The following DNAI1 variants were observed in gnomAD, a reference collection of about 807,000 sequenced individuals.
DNAI1 encodes dynein axonemal intermediate chain 1, also known as dynein, axonemal, intermediate polypeptide 1.
DNAI1 carries 67 observed loss-of-function variants against 92.0 expected under a neutral mutation model. That is an observed-to-expected ratio of 0.73 (90% CI 0.60 to 0.89). The LOEUF is 0.89. DNAI1 is among the 40% of genes least tolerant of loss of function. The pLI is 0.00. For missense variants in DNAI1, 839 were observed against 866.6 expected (o/e 0.97, Z 0.40); for synonymous variants, 323 against 319.6 (o/e 1.01, Z -0.11).
rs904324428 is a variant in DNAI1, at chr9:34,501,122, A to T, written c.1020-16A>T. 2.5e-6 allele frequency: 4 copies of T among 1,610,158 alleles called. No individual in the cohort carries two copies. The highest frequency in any genetic ancestry group is 1.7e-5 in the Admixed American group (1 of 60,016). On this transcript the variant is annotated splice_polypyrimidine_tract_variant and intron_variant, in intron 11 of 19. Transcript: ENST00000242317. ...GTTCATTTCCTATGCCAATGGATTC[A>T]TATTTTTTTTTGCAGGAATCCAAAG... is the stretch of plus-strand genomic sequence containing the variant.
At chr9:34,507,069 C>G (rs1169095988) in intron 13 of DNAI1, among the ~76,000 whole-genome samples, 195 bp downstream of exon 13, 1 of 152,202 alleles carries the variant, frequency 6.6e-6, no homozygotes, top group Non-Finnish European at 1.5e-5. Flanking sequence ...CCAGTGAGAG[C>G]TGGGGTCTGC....
At chr9:34,499,904 C>G (rs577961712) in intron 10 of DNAI1, among the ~76,000 whole-genome samples, 1 of 152,152 alleles carries the variant, frequency 6.6e-6, no homozygotes, top group East Asian at 1.9e-4. Context: ...TCGTGAGGTG[C>G]CTTGTTTGTA....
At chr9:34,459,434 T>TTTTC (rs1003134116) in intron 1 of DNAI1, among the ~76,000 whole-genome samples, 107 of 149,010 alleles carry the variant, frequency 7.2e-4, no homozygotes, top group African/African-American at 2.4e-3. Flanking sequence ...TTCTTTTTCT[T>TTTTC]TTTCTTTCTT....
intron 1 of DNAI1, among the ~76,000 whole-genome samples, chr9:34,471,535 C>T (rs143839097): frequency 8.8e-4 from 134 of 151,764 alleles, no homozygotes; most frequent in African/African-American, 2.8e-3. Context: ...TTTGGGAGGC[C>T]GAGGTGGGCG....
In DNAI1 at chr9:34,459,134, T is replaced by C. The variant is rs569994109; in HGVS notation, c.48+81T>C. On this transcript the variant is annotated intron_variant, in intron 1 of 19. Coordinates refer to ENST00000242317, the MANE Select transcript of DNAI1 (RefSeq NM_012144.4). The stretch of plus-strand genomic sequence containing the variant: ...CCACTAATCATACCTCTCCTACTGA[T>C]CCTTGATCTTTTCTCTGTTGACCCC... 1.6e-5 allele frequency: 21 copies of C among 1,339,880 alleles called. No homozygotes were observed. In the East Asian group the frequency reaches 4.8e-4, roughly 31 times the overall value. The allele number at this position is 1,339,880 out of a possible 1,614,324, so 83.0% of individuals were successfully genotyped here.
chr9:34,508,874 T>C (rs1252830041), intron 13 of DNAI1, among the ~76,000 whole-genome samples: 1 of 152,244 alleles, frequency 6.6e-6, no homozygotes. Flanking sequence ...CTTTGCAAAA[T>C]GGAAGACTCA....
At chr9:34,482,909 G>C (rs550193974) in intron 1 of DNAI1, among the ~76,000 whole-genome samples, 2 of 152,266 alleles carry the variant, frequency 1.3e-5, no homozygotes, top group African/African-American at 4.8e-5. Flanking sequence ...GCCCTGCCCC[G>C]TGGGAAGGCA....
Position 34,485,249 on chromosome 9 carries a change from G to A in DNAI1, c.180+9G>A. On this transcript the variant is annotated intron_variant, in intron 3 of 19. Transcript: ENST00000242317. ...TGGAGTTGACCGATGCGGTGAGTGA[G>A]TAGCCTCTTGTTCTTGCTCCTTGTA... 1 of 1,614,144 alleles carries A rather than the reference G, an allele frequency of 6.2e-7. No individual in the cohort carries two copies. Among genetic ancestry groups the A allele is most frequent in the Non-Finnish European group, 8.5e-7 (1 of 1,179,998 alleles).
At chr9:34,478,595 G>C (rs538982807) in intron 1 of DNAI1, 1 of 152,242 alleles carries the variant, frequency 6.6e-6, no homozygotes, top group Non-Finnish European at 1.5e-5. Flanking sequence ...TCACACTGAA[G>C]TCCACAACAA....
At chr9:34,460,825 A>AT (rs911461298) in intron 1 of DNAI1, among the ~76,000 whole-genome samples, 9 of 149,874 alleles carry the variant, frequency 6.0e-5, no homozygotes, top group African/African-American at 1.5e-4. Context: ...TGCCTGGCTA[A>AT]TTTTTTTTTA....
intron 12 of DNAI1, among the ~76,000 whole-genome samples, chr9:34,505,560 C>T (rs1369904017): frequency 6.6e-6 from 1 of 152,192 alleles, no homozygotes; most frequent in African/African-American, 2.4e-5. Context: ...CTTATTCTGC[C>T]TACCACACAC....
intron 1 of DNAI1, 77 bp downstream of exon 1, chr9:34,459,130 C>A: frequency 7.4e-7 from 1 of 1,356,296 alleles, no homozygotes; most frequent in South Asian, 1.2e-5. Context: ...ACCTCTCCTA[C>A]TGATCCTTGA....
chr9:34,511,896 G>A (rs1378270447), intron 13 of DNAI1, among the ~76,000 whole-genome samples: 1 of 152,072 alleles, frequency 6.6e-6, no homozygotes, highest in Non-Finnish European at 1.5e-5. Flanking sequence ...GCTCCAGGAT[G>A]GTCAAGAAAG....
intron 3 of DNAI1, 32 bp downstream of exon 3, chr9:34,485,272 G>T (rs371288960): frequency 1.7e-5 from 28 of 1,613,298 alleles, no homozygotes; most frequent in Non-Finnish European, 2.4e-5. Context: ...CTTGCTCCTT[G>T]TACCTCTTCC....
intron 1 of DNAI1, among the ~76,000 whole-genome samples, chr9:34,467,478 CACA>C (rs1306092269): frequency 4.4e-5 from 6 of 136,514 alleles, no homozygotes; most frequent in South Asian, 2.4e-4. Flanking sequence ...CACACACACA[CACA>C]CCACAAATTA....
chr9:34,490,771 TGGGAG>T, intron 7 of DNAI1, among the ~76,000 whole-genome samples: 1 of 152,046 alleles, frequency 6.6e-6, no homozygotes, highest in South Asian at 2.1e-4. Context: ...AATTAGGACT[TGGGAG>T]GGGAGGGGAG....
intron 16 of DNAI1, among the ~76,000 whole-genome samples, chr9:34,514,053 C>A (rs549614717): frequency 5.3e-5 from 8 of 152,292 alleles, no homozygotes; most frequent in Admixed American, 3.9e-4. Flanking sequence ...GATGGCCAGA[C>A]CACACCTCAC....
At chr9:34,512,473 C>T in intron 15 of DNAI1, 49 bp downstream of exon 15, 1 of 1,555,794 alleles carries the variant, frequency 6.4e-7, no homozygotes, top group Non-Finnish European at 8.8e-7. Context: ...GTCATTCAGG[C>T]CCAGTGAGGG....
chr9:34,512,545 C>A, intron 15 of DNAI1, 121 bp downstream of exon 15: 1 of 989,882 alleles, frequency 1.0e-6, no homozygotes. Flanking sequence ...CAGGGCCTGA[C>A]AGGAGATTGT....
Sources: gnomAD v4.1 joint callset for allele counts (sites outside exome capture counted in the v4.1 genomes callset) on GRCh38, gnomAD v4.1.1 for gene constraint, MANE v1.5 for transcripts, NCBI Gene and HGNC (gene_info 2026-07-23, HGNC 2026-07-21) for gene names.